The following DOCK2 variants were observed in gnomAD, a reference collection of about 807,000 sequenced individuals.
DOCK2 encodes dedicator of cytokinesis protein 2.
Under a neutral mutation model 248.9 loss-of-function variants are expected in DOCK2, and 87 were observed. The ratio of observed to expected loss-of-function variants is 0.35; its 90% CI spans 0.29 to 0.42. The LOEUF is 0.42. Ranked by LOEUF, DOCK2 falls within the 10% of genes least tolerant of loss-of-function variation. The probability of loss-of-function intolerance (pLI) is 1.00; values close to 1 mark genes in which losing one functional copy is unlikely to be tolerated. For missense variants in DOCK2, 1,747 were observed against 2,300.2 expected (o/e 0.76, Z 4.92); for synonymous variants, 805 against 821.6 (o/e 0.98, Z 0.35).
At chr5:170,010,804 C>A (rs550943540) in intron 32 of DOCK2, among the ~76,000 whole-genome samples, 1 of 152,296 alleles carries the variant, frequency 6.6e-6, no homozygotes, top group East Asian at 1.9e-4. Context: ...GCTCGACACC[C>A]CAGGCACTGC....
intron 25 of DOCK2, among the ~76,000 whole-genome samples, chr5:169,794,505 T>C (rs1766530652): frequency 6.6e-6 from 1 of 152,228 alleles, no homozygotes; most frequent in South Asian, 2.1e-4. Context: ...CATATATATG[T>C]ATATATATTT....
chr5:169,730,026 G>A (rs1198163386), intron 22 of DOCK2, among the ~76,000 whole-genome samples: 3 of 152,240 alleles, frequency 2.0e-5, no homozygotes, highest in East Asian at 1.9e-4. Flanking sequence ...GCACAATCTC[G>A]ACTCACTGCA....
At chr5:169,841,081 T>C (rs528555021) in intron 27 of DOCK2, among the ~76,000 whole-genome samples, 12 of 152,194 alleles carry the variant, frequency 7.9e-5, no homozygotes, top group Non-Finnish European at 1.6e-4. Flanking sequence ...AGCGCTAAAT[T>C]GAGCATACCA....
chr5:169,706,005 T>C (rs1421581080), intron 14 of DOCK2, among the ~76,000 whole-genome samples: 2 of 152,260 alleles, frequency 1.3e-5, no homozygotes, highest in Non-Finnish European at 2.9e-5. Context: ...ATTTGAGATA[T>C]ATACCAGTGT....
intron 14 of DOCK2, among the ~76,000 whole-genome samples, chr5:169,704,916 C>T (rs926237680): frequency 6.6e-6 from 1 of 152,110 alleles, no homozygotes; most frequent in Non-Finnish European, 1.5e-5. Context: ...AATCCCAGCA[C>T]TTTGGGAGGC....
In DOCK2 at chr5:169,759,735, C is replaced by T. The variant is rs769569435; in HGVS notation, c.2407C>T (p.Leu803=). The part of the protein sequence containing the change: ...VAALKYIPSV[L]HDVEMVFDAK... ...GGCTTTGAAATACATCCCATCTGTC[C>T]TGCATGATGTAGAAATGGTCTTTGA... The change falls in exon 24 of 52, where the codon CTG becomes TTG. Residue 803 remains leucine (L), a synonymous_variant. Coordinates refer to ENST00000520908, the MANE Select transcript of DOCK2 (RefSeq NM_004946.3). 6.2e-7 allele frequency: 1 copy of T among 1,614,060 alleles called. No homozygotes were observed. The highest frequency in any genetic ancestry group is 8.5e-7 in the Non-Finnish European group (1 of 1,179,932).
intron 51 of DOCK2, 129 bp from the exon 52 acceptor site, chr5:170,082,667 A>G: frequency 8.6e-7 from 1 of 1,165,684 alleles, no homozygotes. Context: ...AGGGCATAGC[A>G]GCTCACATTC....
rs554423960 is a variant in DOCK2, at chr5:169,948,504, C to T, written c.2800-34564C>T. On this transcript the variant is annotated intron_variant, in intron 27 of 51. Transcript: ENST00000520908. ...CTCTATCTGTATATCTGACTATCAT[C>T]TACCTACACACACATAGAAACACAT... Among the ~76,000 whole-genome samples the T allele has an allele frequency of 9.0e-4, 137 of 152,192 alleles. 1 individual carries two copies. Among genetic ancestry groups the T allele is most frequent in the African/African-American group, 3.3e-3 (137 of 41,520 alleles).
chr5:169,675,912 G>A (rs1243123241), intron 6 of DOCK2, among the ~76,000 whole-genome samples: 1 of 152,192 alleles, frequency 6.6e-6, no homozygotes, highest in Non-Finnish European at 1.5e-5. Flanking sequence ...TTGGCATCTG[G>A]CAAGCGTGTC....
At chr5:169,708,628 C>T (rs2113509732) in intron 15 of DOCK2, among the ~76,000 whole-genome samples, 1 of 151,448 alleles carries the variant, frequency 6.6e-6, no homozygotes, top group South Asian at 2.1e-4. Flanking sequence ...GTAGTTTTAC[C>T]ATCTCTGCTC....
At chr5:170,002,113 C>A (rs1355495025) in intron 30 of DOCK2, among the ~76,000 whole-genome samples, 3 of 151,958 alleles carry the variant, frequency 2.0e-5, no homozygotes, top group Non-Finnish European at 4.4e-5. Flanking sequence ...AAACAAACAA[C>A]AACTAAACAT....
Position 169,837,871 on chromosome 5 carries a change from C to G in DOCK2, c.2704-2886C>G, listed in dbSNP as rs986553382. ...TTTCTACTTTTAAATACCAAACTTC[C>G]TGAGCAGTCTAATTGCTGCTCTTTG... On this transcript the variant is annotated intron_variant, in intron 26 of 51. Transcript: ENST00000520908. Among the ~76,000 whole-genome samples the G allele has an allele frequency of 3.3e-5, 5 of 152,034 alleles. No individual in the cohort carries two copies. In the East Asian group the frequency reaches 9.7e-4, roughly 29 times the overall value.
intron 22 of DOCK2, among the ~76,000 whole-genome samples, chr5:169,720,204 A>T (rs1330959581): frequency 6.6e-6 from 1 of 152,210 alleles, no homozygotes; most frequent in African/African-American, 2.4e-5. Context: ...GATACTTCTC[A>T]GTGATTTGGG....
chr5:169,712,135 A>G lies in DOCK2; in HGVS notation c.1571A>G (p.Glu524Gly), dbSNP rs1313370046. The change falls in exon 17 of 52, where the codon GAA becomes GGA. Residue 524 changes from glutamate to glycine, a missense_variant. Physicochemically the swap from Glu to Gly is moderately conservative, Grantham distance 98. Transcript: ENST00000520908. ...CTATTTCCAGCTAAAGATAAAGGAG[A>G]AAAGAACTTTGCCATGTCCTATGTG... Reference protein sequence around the residue: ...RSSLESKDKGEKNFAMSYVKL... With the variant: ...RSSLESKDKGGKNFAMSYVKL... 2 of 1,614,104 alleles carry G rather than the reference A, an allele frequency of 1.2e-6. No homozygotes were observed. The highest frequency in any genetic ancestry group is 1.7e-6 in the Non-Finnish European group (2 of 1,179,960).
intron 27 of DOCK2, among the ~76,000 whole-genome samples, chr5:169,911,198 A>G (rs1278763657): frequency 6.6e-6 from 1 of 152,208 alleles, no homozygotes; most frequent in Non-Finnish European, 1.5e-5. Context: ...TTAACAGGTC[A>G]GGTATGTGCT....
chr5:169,702,521 A>G (rs2113475507), intron 14 of DOCK2, 94 bp downstream of exon 14: 1 of 1,559,116 alleles, frequency 6.4e-7, no homozygotes, highest in South Asian at 1.2e-5. Context: ...TCTGTTGTCT[A>G]AATGCCAGGT....
At chr5:169,879,049 C>T (rs1772485461) in intron 27 of DOCK2, among the ~76,000 whole-genome samples, 1 of 152,142 alleles carries the variant, frequency 6.6e-6, no homozygotes, top group South Asian at 2.1e-4. Flanking sequence ...CAGATGACCC[C>T]ACATGTCTTG....
chr5:169,840,167 G>A (rs1454346516), intron 26 of DOCK2, among the ~76,000 whole-genome samples: 1 of 152,136 alleles, frequency 6.6e-6, no homozygotes, highest in African/African-American at 2.4e-5. Context: ...TTTTACTCAC[G>A]GTAGAAGGCA....
rs56982109 is a variant in DOCK2, at chr5:169,889,138, C to A, written c.2799+48286C>A. Among the ~76,000 whole-genome samples the A allele has an allele frequency of 6.0e-4, 92 of 152,204 alleles. 2 individuals carry two copies. The East Asian group carries it at 0.016, about 26-fold the overall frequency. On this transcript the variant is annotated intron_variant, in intron 27 of 51. Transcript: ENST00000520908. ...CTCTTGTAAAACAAATGAATATAAT[C>A]CTGTATTATCTAATTTGCCTTAGCT...
Sources: gnomAD v4.1 joint callset for allele counts (sites outside exome capture counted in the v4.1 genomes callset) on GRCh38, gnomAD v4.1.1 for gene constraint, MANE v1.5 for transcripts, NCBI Gene and HGNC (gene_info 2026-07-23, HGNC 2026-07-21) for gene names.